IPO5: variants seen among roughly 807,000 people sequenced by gnomAD.
IPO5 encodes the protein importin-5.
Under a neutral mutation model 143.3 loss-of-function variants are expected in IPO5, and 18 were observed. The observed-to-expected ratio is 0.13, with a 90% CI of 0.09 to 0.19. The LOEUF (loss-of-function observed/expected upper bound fraction) is 0.19, where lower values mean the gene tolerates loss of function less well. Among genes scored for constraint, IPO5 ranks in the 10% least tolerant of loss-of-function variants. The pLI is 1.00. For missense variants in IPO5, 1,013 were observed against 1,336.9 expected (o/e 0.76, Z 3.78); for synonymous variants, 477 against 465.7 (o/e 1.02, Z -0.31).
rs1470144875 is a variant in IPO5 at position 98,006,240 on chromosome 13, A to G, written c.1608A>G (p.Pro536=). The change falls in exon 17 of 29, where the codon CCA becomes CCG. Residue 536 remains proline, a synonymous_variant. Coordinates refer to ENST00000651721, the MANE Select transcript of IPO5 (RefSeq NM_002271.6). ...TCCCCTACTATGATTTATTTATGCC[A>G]TCACTGAAGCACATCGTTGAGAATG... ...KFVPYYDLFM[P]SLKHIVENAV... The G allele has an allele frequency of 1.2e-6, 2 of 1,613,730 alleles. No homozygotes were observed. The highest frequency in any genetic ancestry group is 3.3e-4 in the Middle Eastern group (2 of 6,058).
chr13:97,966,779 C>G (rs1380146243), intron 2 of IPO5, among the ~76,000 whole-genome samples: 5 of 152,188 alleles, frequency 3.3e-5, no homozygotes, highest in Non-Finnish European at 5.9e-5. Context: ...TGGCTCACGC[C>G]TGTAGTCAAA....
chr13:97,971,890 C>A (rs1265147941), intron 3 of IPO5, among the ~76,000 whole-genome samples: 1 of 152,182 alleles, frequency 6.6e-6, no homozygotes, highest in Admixed American at 6.5e-5. Context: ...TATGCAGACA[C>A]CATACTATGT....
intron 5 of IPO5, among the ~76,000 whole-genome samples, chr13:97,983,598 T>C (rs1176406868): frequency 7.7e-6 from 1 of 130,446 alleles, no homozygotes. Flanking sequence ...TTGAATGCCA[T>C]TGAATATCTG....
intron 4 of IPO5, among the ~76,000 whole-genome samples, chr13:97,978,458 C>G (rs1886571831): frequency 6.6e-6 from 1 of 152,002 alleles, no homozygotes; most frequent in South Asian, 2.1e-4. Flanking sequence ...TACATGTATA[C>G]CTATCTTTGC....
intron 17 of IPO5, chr13:98,007,394 C>T (rs1889354447): frequency 2.6e-5 from 4 of 152,172 alleles, no homozygotes; most frequent in Admixed American, 2.6e-4. Flanking sequence ...GGACCATTGG[C>T]CAGTGTGTTT....
intron 2 of IPO5, among the ~76,000 whole-genome samples, chr13:97,966,667 T>C (rs1445363033): frequency 1.3e-5 from 2 of 152,156 alleles, no homozygotes; most frequent in Non-Finnish European, 2.9e-5. Context: ...GTAGGAATGG[T>C]GTTAATTGCT....
At chr13:98,002,275 A>G (rs369250694) in intron 13 of IPO5, 192 bp from the exon 14 acceptor site, 2 of 399,268 alleles carry the variant, frequency 5.0e-6, no homozygotes, top group African/African-American at 4.2e-5. Context: ...TCAGACTCCC[A>G]AAGTGCTGGG....
chr13:98,021,669 G>C, intron 28 of IPO5, 67 bp from the exon 29 acceptor site: 1 of 901,686 alleles, frequency 1.1e-6, no homozygotes, highest in Non-Finnish European at 1.7e-6. Flanking sequence ...GTTTACCTAT[G>C]ATGATGATTA....
chr13:98,008,956 T>C (rs1227109808), intron 18 of IPO5, among the ~76,000 whole-genome samples: 1 of 152,240 alleles, frequency 6.6e-6, no homozygotes, highest in Non-Finnish European at 1.5e-5. Context: ...GTTTGCTTTC[T>C]TTGCAAAATG....
At chr13:97,955,481 A>G (rs926154914) in intron 2 of IPO5, among the ~76,000 whole-genome samples, 8 of 152,188 alleles carry the variant, frequency 5.3e-5, no homozygotes, top group African/African-American at 1.9e-4. Context: ...GGAGAAAATG[A>G]GCGGGGAAAA....
At chr13:97,994,771 A>G (rs1217519476) in intron 11 of IPO5, among the ~76,000 whole-genome samples, 1 of 152,198 alleles carries the variant, frequency 6.6e-6, no homozygotes, top group Non-Finnish European at 1.5e-5. Context: ...AACAAAGGGT[A>G]GAGTGTAGGA....
intron 5 of IPO5, among the ~76,000 whole-genome samples, chr13:97,984,278 T>C (rs957917725): frequency 6.6e-6 from 1 of 152,150 alleles, no homozygotes. Flanking sequence ...GCGCCCGGCC[T>C]AGGGTAACTT....
chr13:97,980,806 G>A (rs1297606663), intron 4 of IPO5, among the ~76,000 whole-genome samples: 2 of 143,336 alleles, frequency 1.4e-5, no homozygotes, highest in Non-Finnish European at 1.5e-5. Context: ...TAGCCTGGGC[G>A]ACAGAGTGAG....
At chr13:98,011,732 C>G (rs1218251765) in intron 20 of IPO5, among the ~76,000 whole-genome samples, 2 of 152,188 alleles carry the variant, frequency 1.3e-5, no homozygotes, top group African/African-American at 4.8e-5. Context: ...GTCTCGAACT[C>G]CTGACCTCGT....
intron 26 of IPO5, among the ~76,000 whole-genome samples, chr13:98,019,193 C>T (rs1268071021): frequency 6.6e-6 from 1 of 152,034 alleles, no homozygotes; most frequent in African/African-American, 2.4e-5. Context: ...ACCTCGTGAT[C>T]GGCCCACCTC....
chr13:98,006,734 C>CT (rs1459634969), intron 17 of IPO5, among the ~76,000 whole-genome samples: 1 of 151,936 alleles, frequency 6.6e-6, no homozygotes, highest in Non-Finnish European at 1.5e-5. Flanking sequence ...ATTGAGAGTA[C>CT]TAGAGGGATT....
Position 98,021,152 on chromosome 13 carries a change from A to T in IPO5, c.3207+19A>T. On this transcript the variant is annotated intron_variant, in intron 28 of 28. Coordinates refer to ENST00000651721, the MANE Select transcript of IPO5 (RefSeq NM_002271.6). The stretch of plus-strand genomic sequence containing the variant: ...AGTACAGGTAAGCTGATTTGGTTGA[A>T]TTGGGGAGGGGGAGATAAAACCTTT... 1 of 1,581,738 alleles carries T rather than the reference A, an allele frequency of 6.3e-7. No homozygotes were observed.
At chr13:98,009,822 T>G in intron 18 of IPO5, 59 bp from the exon 19 acceptor site, 2 of 1,303,082 alleles carry the variant, frequency 1.5e-6, no homozygotes, top group Non-Finnish European at 2.1e-6. Flanking sequence ...GAAATGGCTT[T>G]CTTTATCACG....
intron 24 of IPO5, 32 bp from the exon 25 acceptor site, chr13:98,016,697 C>A (rs1476008341): frequency 2.6e-6 from 3 of 1,144,902 alleles, no homozygotes; most frequent in Admixed American, 2.8e-5. Context: ...CTTTTTAATC[C>A]ATATGAGTGT....
Sources: gnomAD v4.1 joint callset for allele counts (sites outside exome capture counted in the v4.1 genomes callset) on GRCh38, gnomAD v4.1.1 for gene constraint, MANE v1.5 for transcripts, NCBI Gene and HGNC (gene_info 2026-07-23, HGNC 2026-07-21) for gene names.